ELMOD1: variants seen among roughly 807,000 people sequenced by gnomAD.
ELMOD1 encodes ELMO domain-containing protein 1.
A neutral mutation model predicts 46.7 loss-of-function variants in ELMOD1; 21 were observed. That is an observed-to-expected ratio of 0.45 (90% CI 0.32 to 0.65). ELMOD1 has a LOEUF of 0.65. ELMOD1 is among the 30% of genes least tolerant of loss of function. The pLI, the probability that ELMOD1 is intolerant of heterozygous loss-of-function variation, is 0.04. For synonymous variants in ELMOD1, 122 were observed against 138.2 expected (o/e 0.88, Z 0.82); for missense variants, 348 against 407.8 (o/e 0.85, Z 1.26).
At chr11:107,632,641 G>C (rs562148344) in intron 5 of ELMOD1, among the ~76,000 whole-genome samples, 5 of 152,132 alleles carry the variant, frequency 3.3e-5, no homozygotes, top group Non-Finnish European at 5.9e-5. Flanking sequence ...TATAGTAAAG[G>C]TCTTTTTGAA....
intron 1 of ELMOD1, among the ~76,000 whole-genome samples, chr11:107,604,348 T>C (rs1865652658): frequency 6.6e-6 from 1 of 152,190 alleles, no homozygotes; most frequent in South Asian, 2.1e-4. Context: ...TATAACATAT[T>C]CTGGAATTAC....
At position 107,624,203 on chromosome 11, in the gene ELMOD1, T is replaced by C. The variant is rs535128668; in HGVS notation, c.17+5997T>C. 2.6e-5 allele frequency among the ~76,000 whole-genome samples: 4 copies of C among 152,308 alleles called. No homozygotes were observed. In the East Asian group the frequency reaches 7.7e-4, roughly 29 times the overall value. ...CTTAATTTGGGTTGCCTTAAAAATATTTTTATTTACCAATAAAAGTTTATA... is the reference window on the plus strand; with the variant it reads ...CTTAATTTGGGTTGCCTTAAAAATACTTTTATTTACCAATAAAAGTTTATA... On this transcript the variant is annotated intron_variant, in intron 2 of 11. Transcript: ENST00000265840.
At chr11:107,656,296 G>A (rs1866629962) in intron 11 of ELMOD1, among the ~76,000 whole-genome samples, 1 of 151,562 alleles carries the variant, frequency 6.6e-6, no homozygotes, top group South Asian at 2.1e-4. Flanking sequence ...GCTGAGGCAG[G>A]ATAATTACTT....
At chr11:107,625,352 G>C in intron 2 of ELMOD1, 2 of 940,844 alleles carry the variant, frequency 2.1e-6, no homozygotes, top group Non-Finnish European at 1.3e-6. Context: ...GATTATTTTT[G>C]TACATATCTT....
At chr11:107,639,775 TCTC>T (rs1166773967) in intron 6 of ELMOD1, among the ~76,000 whole-genome samples, 2 of 152,146 alleles carry the variant, frequency 1.3e-5, no homozygotes, top group African/African-American at 2.4e-5. Flanking sequence ...TAGCCCCTGG[TCTC>T]CTCCACTTCG....
In ELMOD1 at chr11:107,602,914, G is replaced by T. The variant is rs760374256; in HGVS notation, c.-86+11505G>T. ...CCAGTTGGGGGCTAATGCTTCTTTG[G>T]GGGAGAGCTATATGTGTCTCTGGTT... On this transcript the variant is annotated intron_variant, in intron 1 of 11. Coordinates refer to ENST00000265840, the MANE Select transcript of ELMOD1 (RefSeq NM_018712.4). Among the ~76,000 whole-genome samples the T allele has an allele frequency of 3.3e-5, 5 of 151,912 alleles. No individual in the cohort carries two copies. In the South Asian group the frequency reaches 8.3e-4, roughly 25 times the overall value.
intron 1 of ELMOD1, among the ~76,000 whole-genome samples, chr11:107,594,802 G>C (rs1865464099): frequency 6.6e-6 from 1 of 152,182 alleles, no homozygotes; most frequent in African/African-American, 2.4e-5. Flanking sequence ...TTTCTGATTT[G>C]ATCCAGCTAT....
chr11:107,598,391 A>G (rs371691486), intron 1 of ELMOD1, among the ~76,000 whole-genome samples: 1 of 152,220 alleles, frequency 6.6e-6, no homozygotes, highest in African/African-American at 2.4e-5. Flanking sequence ...TGGCTTGACA[A>G]TGCCCACCCA....
chr11:107,660,940 G>C (rs1377373150), intron 11 of ELMOD1, among the ~76,000 whole-genome samples: 2 of 152,276 alleles, frequency 1.3e-5, no homozygotes, highest in African/African-American at 4.8e-5. Context: ...CTAGTACTGT[G>C]TCTGTTTCAT....
intron 2 of ELMOD1, among the ~76,000 whole-genome samples, chr11:107,625,203 G>A (rs955320425): frequency 1.2e-4 from 18 of 152,262 alleles, no homozygotes; most frequent in African/African-American, 2.9e-4. Context: ...ATTCCCAACC[G>A]ATTGTCAGTG....
At chr11:107,659,536 G>C (rs374929046) in intron 11 of ELMOD1, among the ~76,000 whole-genome samples, 9 of 152,016 alleles carry the variant, frequency 5.9e-5, no homozygotes, top group African/African-American at 2.2e-4. Flanking sequence ...CCAGGAAAGA[G>C]TCAAAGTTAG....
chr11:107,618,254 C>T, intron 2 of ELMOD1, 48 bp downstream of exon 2: 1 of 1,544,996 alleles, frequency 6.5e-7, no homozygotes, highest in Non-Finnish European at 8.8e-7. Flanking sequence ...TGGGAGAAAC[C>T]TCCTCACTGG....
chr11:107,656,852 T>G (rs948432606), intron 11 of ELMOD1, among the ~76,000 whole-genome samples: 3 of 152,070 alleles, frequency 2.0e-5, no homozygotes, highest in African/African-American at 7.2e-5. Flanking sequence ...ATTAGAAGAT[T>G]AAGTTGAAAC....
At chr11:107,623,172 G>A (rs545168343) in intron 2 of ELMOD1, 31 of 151,568 alleles carry the variant, frequency 2.0e-4, no homozygotes, top group African/African-American at 7.5e-4. Context: ...TCCCCTTCCT[G>A]TGTCCATACA....
Position 107,666,459 on chromosome 11 carries a change from G to GTCACTCT in ELMOD1, c.*1263_*1269dup, listed in dbSNP as rs1244758184. On this transcript the variant is annotated 3_prime_UTR_variant, in exon 12 of 12. Coordinates refer to ENST00000265840, the MANE Select transcript of ELMOD1 (RefSeq NM_018712.4). ...GTTTCAAGAGAGCAACCTAAGCTAA[G>GTCACTCT]TCACTCTGCGATATTTCTTGAAAAT... is the stretch of plus-strand genomic sequence containing the variant. The GTCACTCT allele has an allele frequency of 1.3e-5, 2 of 152,588 alleles. No individual in the cohort carries two copies. Among genetic ancestry groups the GTCACTCT allele is most frequent in the Non-Finnish European group, 2.9e-5 (2 of 68,032 alleles). 9.5% of individuals were successfully genotyped at this position (152,588 alleles called of 1,614,324 possible). A position where few individuals can be genotyped will look rare whatever the true frequency, so the allele number is the denominator to read the frequency against.
At position 107,650,395 on chromosome 11, in the gene ELMOD1, G is replaced by T; in HGVS notation, c.615G>T (p.Pro205=). The change falls in exon 8 of 12, where the codon CCG becomes CCT. Residue 205 remains proline (P), a synonymous_variant. Transcript: ENST00000265840. The part of the protein sequence containing the change: ...AQQVLSDSLH[P]KCRDITKEEI... ...AGGTCCTGTCTGACTCTCTTCATCC[G>T]AAATGCAGGTAATTGTTGAAAGTAA... The T allele has an allele frequency of 6.3e-7, 1 of 1,586,492 alleles. No homozygotes were observed. The highest frequency in any genetic ancestry group is 1.2e-5 in the South Asian group (1 of 86,464).
intron 1 of ELMOD1, chr11:107,592,064 G>C (rs1865408671): frequency 2.2e-6 from 1 of 452,078 alleles, no homozygotes; most frequent in African/African-American, 2.0e-5. Flanking sequence ...TAAAAGCAGA[G>C]CAGTGGAGTG....
intron 9 of ELMOD1, chr11:107,653,495 G>A (rs190774757): frequency 1.3e-5 from 2 of 152,152 alleles, no homozygotes; most frequent in East Asian, 3.9e-4. Flanking sequence ...AAATACCATA[G>A]CACTTATTGG....
intron 11 of ELMOD1, among the ~76,000 whole-genome samples, chr11:107,663,175 T>C (rs1163776976): frequency 6.6e-6 from 1 of 152,178 alleles, no homozygotes; most frequent in Admixed American, 6.5e-5. Context: ...GGGTGACTGA[T>C]ACTTCCCGAT....
Sources: allele counts gnomAD v4.1 joint callset (sites outside exome capture counted in the v4.1 genomes callset), GRCh38; gene constraint gnomAD v4.1.1; transcripts MANE v1.5; gene names NCBI Gene and HGNC (gene_info 2026-07-23, HGNC 2026-07-21).